ROBO2: variants seen among roughly 807,000 people sequenced by gnomAD.
The protein encoded by ROBO2 is roundabout homolog 2.
In ROBO2, 53 loss-of-function variants were observed where a neutral mutation model predicts 160.8. That is an observed-to-expected ratio of 0.33 (90% CI 0.26 to 0.41). The LOEUF (loss-of-function observed/expected upper bound fraction) is 0.41, where lower values mean the gene tolerates loss of function less well. Ranked by LOEUF, ROBO2 falls within the 10% of genes least tolerant of loss-of-function variation. ROBO2 has a pLI of 1.00. For missense variants in ROBO2, 1,577 were observed against 1,722.4 expected, an observed-to-expected ratio of 0.92 and a Z score of 1.49; for synonymous variants, 664 against 611.7, an observed-to-expected ratio of 1.09 and a Z score of -1.26.
chr3:76,200,810 A>G (rs1199236986), intron 2 of ROBO2, among the ~76,000 whole-genome samples: 1 of 152,174 alleles, frequency 6.6e-6, no homozygotes, highest in Non-Finnish European at 1.5e-5. Flanking sequence ...TTGCCTAGCC[A>G]TGAGTGGGGC....
At chr3:76,028,670 G>A (rs1471959699) in intron 2 of ROBO2, among the ~76,000 whole-genome samples, 1 of 151,890 alleles carries the variant, frequency 6.6e-6, no homozygotes, top group African/African-American at 2.4e-5. Context: ...AAATTCCAGT[G>A]GTGTGAATTT....
intron 2 of ROBO2, among the ~76,000 whole-genome samples, chr3:77,405,613 A>G (rs549992192): frequency 1.1e-3 from 172 of 151,888 alleles, no homozygotes; most frequent in Non-Finnish European, 1.7e-3. Flanking sequence ...AGCTATAAAT[A>G]TAATTATGTA....
chr3:76,059,664 A>G (rs1235965452), intron 2 of ROBO2, among the ~76,000 whole-genome samples: 1 of 152,238 alleles, frequency 6.6e-6, no homozygotes, highest in African/African-American at 2.4e-5. Context: ...ATTAGATCCT[A>G]TCTGTCAATT....
At chr3:76,747,849 G>C (rs1026512738) in intron 2 of ROBO2, among the ~76,000 whole-genome samples, 3 of 151,938 alleles carry the variant, frequency 2.0e-5, no homozygotes, top group Middle Eastern at 6.8e-3. Context: ...CTTACATCTA[G>C]TTTTAATAAA....
At chr3:77,624,095 T>C (rs2094956010) in intron 23 of ROBO2, among the ~76,000 whole-genome samples, 1 of 152,194 alleles carries the variant, frequency 6.6e-6, no homozygotes, top group African/African-American at 2.4e-5. Flanking sequence ...AATTCACTGC[T>C]TAATTACTGC....
chr3:77,114,914 A>G (rs189908995), intron 2 of ROBO2, among the ~76,000 whole-genome samples: 56 of 152,274 alleles, frequency 3.7e-4, no homozygotes, highest in Non-Finnish European at 7.5e-4. Context: ...ATATTAAACC[A>G]ACATCACATT....
intron 2 of ROBO2, among the ~76,000 whole-genome samples, chr3:77,221,909 G>A (rs2085868464): frequency 7.1e-6 from 1 of 141,216 alleles, no homozygotes; most frequent in African/African-American, 2.7e-5. Context: ...CTGTACTGCA[G>A]TGGCACGATC....
At chr3:76,686,564 A>G (rs139399593) in intron 2 of ROBO2, among the ~76,000 whole-genome samples, 1 of 152,270 alleles carries the variant, frequency 6.6e-6, no homozygotes, top group Admixed American at 6.6e-5. Context: ...TGTAATCCCC[A>G]TAAAGTCCAT....
intron 5 of ROBO2, among the ~76,000 whole-genome samples, chr3:77,499,935 C>A (rs1449776807): frequency 6.6e-6 from 1 of 152,120 alleles, no homozygotes; most frequent in Non-Finnish European, 1.5e-5. Context: ...GTGTGAGCCA[C>A]CGTGTCTGGC....
At chr3:77,426,491 G>T (rs955283102) in intron 2 of ROBO2, among the ~76,000 whole-genome samples, 32 of 151,888 alleles carry the variant, frequency 2.1e-4, no homozygotes, top group African/African-American at 7.3e-4. Context: ...TGAATAATGG[G>T]AATATATAGA....
At chr3:76,289,161 CT>C (rs1479412100) in intron 2 of ROBO2, among the ~76,000 whole-genome samples, 1 of 152,042 alleles carries the variant, frequency 6.6e-6, no homozygotes, top group Non-Finnish European at 1.5e-5. Flanking sequence ...GCATCTGTTA[CT>C]TTTTGACCCT....
In ROBO2 at chr3:77,040,090, C is replaced by T; in HGVS notation, c.-696C>T. ...TCCCTCCCTCGCTCCTTCCCTGCCT[C>T]CCTCACCACGTAGGAGTTCGGATTC... On this transcript the variant is annotated 5_prime_UTR_variant, in exon 1 of 26. Transcript: ENST00000461745. 5 of 972,696 alleles carry T rather than the reference C, an allele frequency of 5.1e-6. No individual in the cohort carries two copies. Among genetic ancestry groups the T allele is most frequent in the Non-Finnish European group, 4.9e-6 (4 of 818,868 alleles). 60.3% of individuals were successfully genotyped at this position (972,696 alleles called of 1,614,324 possible). A position where few individuals can be genotyped will look rare whatever the true frequency, so the allele number is the denominator to read the frequency against.
At chr3:76,162,283 G>T (rs1485377548) in intron 2 of ROBO2, among the ~76,000 whole-genome samples, 1 of 152,024 alleles carries the variant, frequency 6.6e-6, no homozygotes, top group Non-Finnish European at 1.5e-5. Context: ...AGCCTCTTTG[G>T]CATGAGCATA....
chr3:77,056,625 T>G (rs2065772408), intron 1 of ROBO2, among the ~76,000 whole-genome samples: 2 of 152,128 alleles, frequency 1.3e-5, no homozygotes, highest in Non-Finnish European at 1.5e-5. Flanking sequence ...TGATGTAAAT[T>G]TCATAGTTTT....
At chr3:77,496,742 C>T (rs1474285777) in intron 5 of ROBO2, among the ~76,000 whole-genome samples, 3 of 152,104 alleles carry the variant, frequency 2.0e-5, no homozygotes, top group African/African-American at 7.2e-5. Flanking sequence ...AAAAGCTTTT[C>T]AATTCAAGTT....
At chr3:76,988,901 AAG>A (rs753491467) in intron 2 of ROBO2, among the ~76,000 whole-genome samples, 2 of 152,132 alleles carry the variant, frequency 1.3e-5, no homozygotes, top group Non-Finnish European at 2.9e-5. Flanking sequence ...ACCTACTCCA[AAG>A]AGAAGCTTCA....
At chr3:76,217,673 A>G (rs547251376) in intron 2 of ROBO2, among the ~76,000 whole-genome samples, 3 of 152,208 alleles carry the variant, frequency 2.0e-5, no homozygotes, top group Non-Finnish European at 2.9e-5. Flanking sequence ...AATAATTAAT[A>G]GCTTACCAAC....
At chr3:77,228,835 G>C (rs1357984779) in intron 2 of ROBO2, among the ~76,000 whole-genome samples, 2 of 152,110 alleles carry the variant, frequency 1.3e-5, no homozygotes, top group African/African-American at 4.8e-5. Context: ...CTGATCTCTT[G>C]AAGTTACTCT....
At chr3:76,981,801 C>T (rs1015057385) in intron 2 of ROBO2, among the ~76,000 whole-genome samples, 15 of 152,050 alleles carry the variant, frequency 9.9e-5, no homozygotes, top group Admixed American at 9.2e-4. Flanking sequence ...GACAGGTGAA[C>T]GGGGAACAGG....
Sources: allele counts gnomAD v4.1 joint callset (sites outside exome capture counted in the v4.1 genomes callset), GRCh38; gene constraint gnomAD v4.1.1; transcripts MANE v1.5; gene names NCBI Gene and HGNC (gene_info 2026-07-23, HGNC 2026-07-21).